PHACTR4: variants seen among roughly 807,000 people sequenced by gnomAD.
The protein encoded by PHACTR4 is phosphatase and actin regulator 4, also known as protein phosphatase 1, regulatory subunit 124.
A neutral mutation model predicts 72.7 loss-of-function variants in PHACTR4; 51 were observed. The observed-to-expected ratio is 0.70, with a 90% CI of 0.56 to 0.89. PHACTR4 has a LOEUF of 0.89. Ranked by LOEUF, PHACTR4 falls within the 40% of genes least tolerant of loss-of-function variation. The pLI, the probability that PHACTR4 is intolerant of heterozygous loss-of-function variation, is 0.00. For missense variants in PHACTR4, 731 were observed against 861.8 expected, an observed-to-expected ratio of 0.85 and a Z score of 1.90; for synonymous variants, 255 against 302.5, an observed-to-expected ratio of 0.84 and a Z score of 1.63.
In PHACTR4 at chr1:28,433,488, C is replaced by T. The variant is rs1263288121; in HGVS notation, c.17-25597C>T. Among the ~76,000 whole-genome samples, 15 of 134,930 alleles carry T rather than the reference C, an allele frequency of 1.1e-4. No homozygotes were observed. The South Asian group carries it at 3.0e-3, about 27-fold the overall frequency. 88.5% of individuals were successfully genotyped at this position (134,930 alleles called of 152,430 possible). ...TTTTTTTTTTTTTTTGAGACAGTCT[C>T]GCCCTGTCACCCAGGCTGGAGTGCA... On this transcript the variant is annotated intron_variant, in intron 2 of 13. Transcript: ENST00000373839.
chr1:28,409,951 ATTTTTTTTTTTTTT>A lies in PHACTR4; in HGVS notation c.16+2509_16+2522del, dbSNP rs57186471. Among the ~76,000 whole-genome samples, 438 of 66,398 alleles carry A rather than the reference ATTTTTTTTTTTTTT, an allele frequency of 6.6e-3. 2 individuals are homozygous for A. The highest frequency in any genetic ancestry group is 0.048 in the South Asian group (71 of 1,470). The allele number at this position is 66,398 out of a possible 152,430, so 43.6% of individuals were successfully genotyped here. A position where few individuals can be genotyped will look rare whatever the true frequency, so the allele number is the denominator to read the frequency against. ...GAGGGCAGTCTGTACTTCTTCATAA[ATTTTTTTTTTTTTT>A]TTTTTTTTTTTTTTTTTTTTGAGAC... On this transcript the variant is annotated intron_variant, in intron 2 of 13. Coordinates refer to ENST00000373839, the MANE Select transcript of PHACTR4 (RefSeq NM_001048183.3).
At chr1:28,414,186 C>T (rs556470709) in intron 2 of PHACTR4, among the ~76,000 whole-genome samples, 60 of 152,042 alleles carry the variant, frequency 3.9e-4, no homozygotes, top group Non-Finnish European at 8.1e-4. Context: ...AATGATTCTC[C>T]TGGCCTCAGC....
At chr1:28,477,743 A>G (rs1354804430) in intron 8 of PHACTR4, among the ~76,000 whole-genome samples, 1 of 151,968 alleles carries the variant, frequency 6.6e-6, no homozygotes, top group Non-Finnish European at 1.5e-5. Context: ...GCTAGAGTGC[A>G]GTGGCACAAT....
In PHACTR4 at chr1:28,389,623, G is replaced by A. The variant is rs187570135; in HGVS notation, c.-38-17787G>A. The stretch of plus-strand genomic sequence containing the variant: ...TTCCCGAGTAGCTGGGACGACGGGC[G>A]CGTGCCACCACGCCCAGCTAATTTT... On this transcript the variant is annotated intron_variant, in intron 1 of 13. Transcript: ENST00000373839. Among the ~76,000 whole-genome samples the A allele has an allele frequency of 1.2e-3, 177 of 152,058 alleles. 1 individual carries two copies. The highest frequency in any genetic ancestry group is 1.9e-3 in the African/African-American group (77 of 41,482).
intron 2 of PHACTR4, among the ~76,000 whole-genome samples, chr1:28,412,484 AT>A (rs1162927818): frequency 6.6e-6 from 1 of 152,178 alleles, no homozygotes; most frequent in Non-Finnish European, 1.5e-5. Context: ...TAAAACTAAT[AT>A]TTTTTATTGC....
At chr1:28,404,124 A>G (rs1414692056) in intron 1 of PHACTR4, among the ~76,000 whole-genome samples, 1 of 151,830 alleles carries the variant, frequency 6.6e-6, no homozygotes, top group Non-Finnish European at 1.5e-5. Flanking sequence ...TAATTTTTGT[A>G]TTTTTTGTAG....
At chr1:28,386,858 G>C (rs1239569908) in intron 1 of PHACTR4, among the ~76,000 whole-genome samples, 1 of 152,188 alleles carries the variant, frequency 6.6e-6, no homozygotes, top group Non-Finnish European at 1.5e-5. Context: ...TCTTACACTA[G>C]TGTTGATGAT....
At chr1:28,456,092 TC>T (rs1176563426) in intron 2 of PHACTR4, among the ~76,000 whole-genome samples, 1 of 152,016 alleles carries the variant, frequency 6.6e-6, no homozygotes, top group Admixed American at 6.6e-5. Flanking sequence ...TATAAAGAGA[TC>T]CCTGGGACTG....
chr1:28,467,710 T>C (rs1209057336), intron 6 of PHACTR4, among the ~76,000 whole-genome samples: 1 of 152,190 alleles, frequency 6.6e-6, no homozygotes, highest in African/African-American at 2.4e-5. Context: ...GATAAAATCA[T>C]GTTTTATCTT....
In PHACTR4 at chr1:28,488,195, T is replaced by C. The variant is rs373072460; in HGVS notation, c.1761-975T>C. ...ATTCCAGTGGTTCCTAAACCACTGA[T>C]TTAAAAACCTAGCTGGGCATGGCCA... On this transcript the variant is annotated intron_variant, in intron 9 of 13. Transcript: ENST00000373839. 2.6e-5 allele frequency among the ~76,000 whole-genome samples: 4 copies of C among 152,140 alleles called. No individual in the cohort carries two copies. The South Asian group carries it at 8.3e-4, about 32-fold the overall frequency.
chr1:28,456,151 C>T (rs1312203272), intron 2 of PHACTR4, among the ~76,000 whole-genome samples: 1 of 152,072 alleles, frequency 6.6e-6, no homozygotes, highest in African/African-American at 2.4e-5. Flanking sequence ...GTTCTGTAGG[C>T]TGTACAGGAA....
chr1:28,404,376 G>T (rs370768674), intron 1 of PHACTR4, among the ~76,000 whole-genome samples: 1 of 148,158 alleles, frequency 6.7e-6, no homozygotes, highest in Non-Finnish European at 1.5e-5. Flanking sequence ...TCCGCCTCCT[G>T]GGTTCAAGCG....
chr1:28,470,058 C>T (rs972738735), intron 6 of PHACTR4, among the ~76,000 whole-genome samples: 25 of 139,246 alleles, frequency 1.8e-4, no homozygotes, highest in African/African-American at 5.3e-4. Context: ...GACTCTGTCT[C>T]AAAAAAAAAA....
chr1:28,490,710 G>T (rs1322708167), intron 10 of PHACTR4, among the ~76,000 whole-genome samples: 1 of 151,792 alleles, frequency 6.6e-6, no homozygotes, highest in Admixed American at 6.6e-5. Context: ...GCTGTGCATG[G>T]CATGTGCCTG....
chr1:28,487,537 A>AGG (rs778653003), intron 9 of PHACTR4, among the ~76,000 whole-genome samples: 1 of 146,284 alleles, frequency 6.8e-6, no homozygotes, highest in African/African-American at 2.6e-5. Context: ...AAAAAAAAAA[A>AGG]GGAAGGTCTT....
chr1:28,474,192 C>A (rs1659769725), intron 7 of PHACTR4, 41 bp downstream of exon 7: 1 of 1,510,204 alleles, frequency 6.6e-7, no homozygotes, highest in Non-Finnish European at 9.0e-7. Flanking sequence ...CTCCTTTACT[C>A]TAGATAGCCC....
intron 13 of PHACTR4, among the ~76,000 whole-genome samples, chr1:28,495,925 A>T (rs910357183): frequency 1.3e-5 from 2 of 151,856 alleles, no homozygotes; most frequent in African/African-American, 2.4e-5. Flanking sequence ...CTGGCCAAGG[A>T]AAGTTGTTTT....
chr1:28,499,316 G>T lies in PHACTR4; in HGVS notation c.*2767G>T, dbSNP rs1446196303. ...ACGCCTGGCTAATTTTATATTTCTA[G>T]TAGAGATGAGGTTTCTCCATGTTGG... is the stretch of plus-strand genomic sequence containing the variant. On this transcript the variant is annotated 3_prime_UTR_variant, in exon 14 of 14. Transcript: ENST00000373839. The T allele has an allele frequency of 6.6e-6, 1 of 151,546 alleles. No individual in the cohort carries two copies. Among genetic ancestry groups the T allele is most frequent in the Non-Finnish European group, 1.5e-5 (1 of 67,982 alleles). 9.4% of individuals were successfully genotyped at this position (151,546 alleles called of 1,614,324 possible).
At chr1:28,474,520 C>A (rs1440161259) in intron 7 of PHACTR4, among the ~76,000 whole-genome samples, 1 of 150,504 alleles carries the variant, frequency 6.6e-6, no homozygotes, top group Non-Finnish European at 1.5e-5. Context: ...GAGTCTCTGT[C>A]TCACAGAAAA....
Sources: allele counts gnomAD v4.1 joint callset (sites outside exome capture counted in the v4.1 genomes callset), GRCh38; gene constraint gnomAD v4.1.1; transcripts MANE v1.5; gene names NCBI Gene and HGNC (gene_info 2026-07-23, HGNC 2026-07-21).